Variants in ATP6V1C1 observed in about 807,000 individuals in gnomAD.
ATP6V1C1 encodes V-type proton ATPase subunit C 1.
ATP6V1C1 carries 45 observed loss-of-function variants against 53.9 expected under a neutral mutation model. That is an observed-to-expected ratio of 0.83 (90% CI 0.66 to 1.07). The LOEUF (loss-of-function observed/expected upper bound fraction) is 1.07. ATP6V1C1 is among the 50% of genes least tolerant of loss of function. The pLI, the probability that ATP6V1C1 is intolerant of heterozygous loss-of-function variation, is 0.00. For synonymous variants in ATP6V1C1, 153 were observed against 155.2 expected, an observed-to-expected ratio of 0.99 and a Z score of 0.11; for missense variants, 315 against 440.3, an observed-to-expected ratio of 0.72 and a Z score of 2.55.
rs193022734 is a variant in ATP6V1C1 at position 103,025,408 on chromosome 8, A to G, written c.-40+4183A>G. Reference sequence around the variant, plus strand: ...AGGCACCATTTGGTGCAAAACATGCATGTGGTGTCAGTTTATTTGTTGGAC... The same window carrying G: ...AGGCACCATTTGGTGCAAAACATGCGTGTGGTGTCAGTTTATTTGTTGGAC... On this transcript the variant is annotated intron_variant, in intron 1 of 12. Transcript: ENST00000518738. Among the ~76,000 whole-genome samples, 642 of 152,332 alleles carry G rather than the reference A, an allele frequency of 4.2e-3. 7 individuals are homozygous for G. Among genetic ancestry groups the G allele is most frequent in the Middle Eastern group, 0.024 (7 of 294 alleles).
chr8:103,056,558 A>T (rs1194420535), intron 8 of ATP6V1C1, among the ~76,000 whole-genome samples: 2 of 152,220 alleles, frequency 1.3e-5, no homozygotes, highest in Non-Finnish European at 2.9e-5. Context: ...AGGAAGAAGA[A>T]GTTAAAATGC....
chr8:103,021,715 C>T (rs1220711644), intron 1 of ATP6V1C1, among the ~76,000 whole-genome samples: 1 of 151,980 alleles, frequency 6.6e-6, no homozygotes, highest in Non-Finnish European at 1.5e-5. Flanking sequence ...GGAACCCTCA[C>T]AGAGTACACA....
intron 1 of ATP6V1C1, among the ~76,000 whole-genome samples, chr8:103,023,934 C>T (rs183143223): frequency 6.6e-6 from 1 of 151,988 alleles, no homozygotes. Flanking sequence ...CCTGAAGAGT[C>T]AGCACTTTTG....
intron 2 of ATP6V1C1, among the ~76,000 whole-genome samples, chr8:103,042,018 C>T (rs1402211343): frequency 1.3e-5 from 2 of 152,202 alleles, no homozygotes; most frequent in Non-Finnish European, 2.9e-5. Flanking sequence ...CTCTAGCGCA[C>T]ATCCGTGGAC....
intron 6 of ATP6V1C1, among the ~76,000 whole-genome samples, chr8:103,053,245 T>G (rs1441540340): frequency 1.3e-5 from 2 of 151,980 alleles, no homozygotes; most frequent in African/African-American, 4.8e-5. Context: ...ACTTGTTAGG[T>G]TTTTTAAAAT....
chr8:103,037,163 A>G lies in ATP6V1C1; in HGVS notation c.-39-3635A>G, dbSNP rs543560875. Among the ~76,000 whole-genome samples, 83 of 152,268 alleles carry G rather than the reference A, an allele frequency of 5.5e-4. No individual in the cohort carries two copies. In the South Asian group the frequency reaches 0.016, roughly 30 times the overall value. On this transcript the variant is annotated intron_variant, in intron 1 of 12. Coordinates refer to ENST00000518738, the MANE Select transcript of ATP6V1C1 (RefSeq NM_001695.5). ...TTGTGAAGAACAGAGACAGGATGAC[A>G]AGAAGACAGGATATAGGTCCACGAG...
intron 2 of ATP6V1C1, 55 bp from the exon 3 acceptor site, chr8:103,042,283 TTG>T: frequency 6.5e-7 from 1 of 1,531,242 alleles, no homozygotes; most frequent in African/African-American, 1.4e-5. Context: ...ATGAATCATC[TTG>T]TTTTTTTTTT....
At position 103,048,590 on chromosome 8, in the gene ATP6V1C1, C is replaced by T. The variant is rs187887172; in HGVS notation, c.201-280C>T. Among the ~76,000 whole-genome samples the T allele has an allele frequency of 2.0e-5, 3 of 152,288 alleles. No homozygotes were observed. In the East Asian group the frequency reaches 5.8e-4, roughly 29 times the overall value. On this transcript the variant is annotated intron_variant, in intron 3 of 12. Transcript: ENST00000518738. ...ATATATGGCTATTTACAGACTCTTT[C>T]TCACTAGCTTCCCATGACTTACTTT...
chr8:103,041,118 AT>A, intron 2 of ATP6V1C1, 150 bp downstream of exon 2: 2 of 918,796 alleles, frequency 2.2e-6, no homozygotes, highest in Non-Finnish European at 3.0e-6. Flanking sequence ...CTTCTTTGAA[AT>A]TTTAGAAGTA....
intron 1 of ATP6V1C1, among the ~76,000 whole-genome samples, chr8:103,025,488 A>C (rs1331819456): frequency 1.3e-5 from 2 of 152,272 alleles, no homozygotes; most frequent in African/African-American, 4.8e-5. Context: ...AATAAACTGC[A>C]TATAATGGAA....
In ATP6V1C1 at chr8:103,071,909, GCC is replaced by G. The variant is rs2131409630; in HGVS notation, c.*3163_*3164del. 6.6e-6 allele frequency: 1 copy of G among 152,376 alleles called. No individual in the cohort carries two copies. The highest frequency in any genetic ancestry group is 2.1e-4 in the South Asian group (1 of 4,834). The allele number at this position is 152,376 out of a possible 1,614,324, so 9.4% of individuals were successfully genotyped here. On this transcript the variant is annotated 3_prime_UTR_variant, in exon 13 of 13. Transcript: ENST00000518738. ...TGGTGTTACAGGCATAAGCCACCAC[GCC>G]TGGCCTGTGTTGCTATTATATTTGG...
At position 103,037,576 on chromosome 8, in the gene ATP6V1C1, A is replaced by G. The variant is rs554052213; in HGVS notation, c.-39-3222A>G. 3.0e-4 allele frequency among the ~76,000 whole-genome samples: 45 copies of G among 152,318 alleles called. No homozygotes were observed. The Middle Eastern group carries it at 0.01, about 35-fold the overall frequency. On this transcript the variant is annotated intron_variant, in intron 1 of 12. Transcript: ENST00000518738. ...ACAAAAAGGTTGTACTTTGAGGATT[A>G]ATTTGGTATCTAGATTATTCTCTGA...
At chr8:103,062,613 G>C (rs1817422189) in intron 8 of ATP6V1C1, among the ~76,000 whole-genome samples, 4 of 152,214 alleles carry the variant, frequency 2.6e-5, no homozygotes, top group Admixed American at 2.6e-4. Flanking sequence ...TTCCAGAAAA[G>C]AAGAGTGTGC....
chr8:103,024,988 A>G (rs1376692157), intron 1 of ATP6V1C1, among the ~76,000 whole-genome samples: 1 of 152,032 alleles, frequency 6.6e-6, no homozygotes, highest in African/African-American at 2.4e-5. Flanking sequence ...GTGGAGGAGA[A>G]GTGCTTTGGT....
chr8:103,045,324 A>T lies in ATP6V1C1; in HGVS notation c.200+2917A>T, dbSNP rs57336038. 6.5e-3 allele frequency among the ~76,000 whole-genome samples: 983 copies of T among 152,314 alleles called. 12 individuals carry two copies. The highest frequency in any genetic ancestry group is 0.031 in the Middle Eastern group (9 of 294). On this transcript the variant is annotated intron_variant, in intron 3 of 12. Coordinates refer to ENST00000518738, the MANE Select transcript of ATP6V1C1 (RefSeq NM_001695.5). ...CAGAGAGAGAGAGAGATCTTTTAAT[A>T]TAACACCATGTAGTGAGGAAGTAAA...
chr8:103,026,524 G>A (rs1816696153), intron 1 of ATP6V1C1, among the ~76,000 whole-genome samples: 1 of 152,172 alleles, frequency 6.6e-6, no homozygotes, highest in African/African-American at 2.4e-5. Flanking sequence ...AGAAAGGCGG[G>A]GCTGGGTGTG....
intron 1 of ATP6V1C1, among the ~76,000 whole-genome samples, chr8:103,029,983 C>G (rs554520519): frequency 6.6e-6 from 1 of 152,312 alleles, no homozygotes; most frequent in Admixed American, 6.5e-5. Flanking sequence ...ATCCACCTGT[C>G]TTGGCCTCCC....
intron 8 of ATP6V1C1, among the ~76,000 whole-genome samples, chr8:103,058,983 A>AATTTTT (rs1554601054): frequency 2.9e-5 from 4 of 137,510 alleles, no homozygotes; most frequent in African/African-American, 1.1e-4. Context: ...CCACTTTCCT[A>AATTTTT]TTTTTTTTTT....
rs533492902 is a variant in ATP6V1C1, at chr8:103,025,456, C to T, written c.-40+4231C>T. ...GACAAATATTAAGATGTTGAGGTTA[C>T]AGAGGTTAAAAGTAATATTTTAATA... On this transcript the variant is annotated intron_variant, in intron 1 of 12. Coordinates refer to ENST00000518738, the MANE Select transcript of ATP6V1C1 (RefSeq NM_001695.5). Among the ~76,000 whole-genome samples the T allele has an allele frequency of 2.0e-5, 3 of 152,148 alleles. No homozygotes were observed. The East Asian group carries it at 5.8e-4, about 29-fold the overall frequency.
Sources: gnomAD v4.1 joint callset for allele counts (sites outside exome capture counted in the v4.1 genomes callset) on GRCh38, gnomAD v4.1.1 for gene constraint, MANE v1.5 for transcripts, NCBI Gene and HGNC (gene_info 2026-07-23, HGNC 2026-07-21) for gene names.